Variants in NOTCH2NLC observed in about 807,000 individuals in gnomAD.
NOTCH2NLC encodes the protein notch 2 N-terminal like C.
In NOTCH2NLC, 4 loss-of-function variants were observed where a neutral mutation model predicts 17.7. The observed-to-expected ratio is 0.23, with a 90% confidence interval of 0.11 to 0.52. The LOEUF (loss-of-function observed/expected upper bound fraction) is 0.52. Ranked by LOEUF, NOTCH2NLC falls within the 20% of genes least tolerant of loss-of-function variation. NOTCH2NLC has a pLI of 0.96. For synonymous variants in NOTCH2NLC, 18 were observed against 86.0 expected (o/e 0.21, Z 4.38); for missense variants, 57 against 207.2 (o/e 0.28, Z 4.45).
chr1:149,445,679 C>T (rs2101499790), intron 2 of NOTCH2NLC, among the ~76,000 whole-genome samples: 1 of 150,748 alleles, frequency 6.6e-6, no homozygotes, highest in South Asian at 2.1e-4. Flanking sequence ...GGAAACTAGC[C>T]CAGAGGGAGT....
intron 2 of NOTCH2NLC, among the ~76,000 whole-genome samples, chr1:149,442,193 A>G (rs2101497266): frequency 6.7e-6 from 1 of 148,520 alleles, no homozygotes; most frequent in East Asian, 2.0e-4. Flanking sequence ...TATCCCTTTT[A>G]AACACAAGAT....
chr1:149,424,177 G>C (rs1332155651), intron 1 of NOTCH2NLC, among the ~76,000 whole-genome samples: 4 of 151,348 alleles, frequency 2.6e-5, no homozygotes, highest in Non-Finnish European at 5.9e-5. Flanking sequence ...TTGTTCTGTT[G>C]TTTGCAGTTT....
chr1:149,392,325 T>TTATTGTAAA, intron 1 of NOTCH2NLC, among the ~76,000 whole-genome samples: 1 of 100,946 alleles, frequency 9.9e-6, no homozygotes, highest in Non-Finnish European at 2.0e-5. Flanking sequence ...TAACAGTCAG[T>TTATTGTAAA]CGACATGTCA....
At chr1:149,445,724 C>G (rs1245889449) in intron 2 of NOTCH2NLC, among the ~76,000 whole-genome samples, 9 of 149,528 alleles carry the variant, frequency 6.0e-5, no homozygotes, top group Non-Finnish European at 1.0e-4. Context: ...GCTGCAGTGC[C>G]GACGCAACCC....
At chr1:149,423,695 CT>C (rs1192246543) in intron 1 of NOTCH2NLC, among the ~76,000 whole-genome samples, 3 of 148,810 alleles carry the variant, frequency 2.0e-5, no homozygotes, top group South Asian at 4.3e-4. Context: ...TTAAAAGAGC[CT>C]GTATAACTCC....
intron 1 of NOTCH2NLC, among the ~76,000 whole-genome samples, chr1:149,421,498 CAAA>C (rs1186003741): frequency 1.4e-4 from 5 of 36,962 alleles, no homozygotes; most frequent in Admixed American, 2.4e-4. Context: ...GACTCCATCT[CAAA>C]AAAAAAAAAA....
At position 149,420,033 on chromosome 1, in the gene NOTCH2NLC, A is replaced by T. The variant is rs1240126500; in HGVS notation, c.136-10909A>T. On this transcript the variant is annotated intron_variant, in intron 1 of 4. Transcript: ENST00000650865. ...AGGCACCCGCCACCATGCCCAGCTA[A>T]TTTTTTTTTTGTACTTTTAGTAGAG... 3.5e-4 allele frequency among the ~76,000 whole-genome samples: 49 copies of T among 140,428 alleles called. 4 individuals are homozygous for T. The East Asian group carries it at 7.5e-3, about 22-fold the overall frequency. The allele number at this position is 140,428 out of a possible 152,430, so 92.1% of individuals were successfully genotyped here.
At chr1:149,399,309 T>C (rs1259574739) in intron 1 of NOTCH2NLC, among the ~76,000 whole-genome samples, 3 of 148,938 alleles carry the variant, frequency 2.0e-5, no homozygotes, top group African/African-American at 7.5e-5. Flanking sequence ...AACGGGTACC[T>C]AGCAGGGAGA....
chr1:149,436,761 G>A (rs2084484965), intron 2 of NOTCH2NLC, among the ~76,000 whole-genome samples: 1 of 148,930 alleles, frequency 6.7e-6, no homozygotes, highest in African/African-American at 2.5e-5. Context: ...TTCAAGTACG[G>A]TGCCTATTTA....
At chr1:149,433,475 G>A (rs2084464957) in intron 2 of NOTCH2NLC, among the ~76,000 whole-genome samples, 1 of 150,598 alleles carries the variant, frequency 6.6e-6, no homozygotes, top group Non-Finnish European at 1.5e-5. Flanking sequence ...ACTTCACATA[G>A]CATTCAGGGT....
At position 149,445,596 on chromosome 1, in the gene NOTCH2NLC, T is replaced by C. The variant is rs1332606994; in HGVS notation, c.210-9722T>C. On this transcript the variant is annotated intron_variant, in intron 2 of 4. Transcript: ENST00000650865. ...AGCTAGGGCAGGCTGCCACTGCGGA[T>C]TGGGGGGCCAAGAGGCCCAGGGCAA... is the stretch of plus-strand genomic sequence containing the variant. Among the ~76,000 whole-genome samples the C allele has an allele frequency of 1.4e-4, 21 of 150,640 alleles. 1 individual carries two copies. Among genetic ancestry groups the C allele is most frequent in the Admixed American group, 4.0e-4 (6 of 15,112 alleles).
At chr1:149,449,669 T>C (rs1412633464) in intron 2 of NOTCH2NLC, among the ~76,000 whole-genome samples, 1 of 151,308 alleles carries the variant, frequency 6.6e-6, no homozygotes, top group Admixed American at 6.6e-5. Flanking sequence ...AATTTACCCT[T>C]TTAAAGTGTT....
At chr1:149,435,925 A>T (rs1263349438) in intron 2 of NOTCH2NLC, among the ~76,000 whole-genome samples, 1 of 150,092 alleles carries the variant, frequency 6.7e-6, no homozygotes, top group Non-Finnish European at 1.5e-5. Flanking sequence ...AAAACTGTAA[A>T]TGTGGGTTTC....
At chr1:149,441,034 A>G (rs1413358916) in intron 2 of NOTCH2NLC, among the ~76,000 whole-genome samples, 1 of 150,698 alleles carries the variant, frequency 6.6e-6, no homozygotes, top group Non-Finnish European at 1.5e-5. Context: ...TTATACTTCT[A>G]CCAGACAGAG....
chr1:149,417,507 A>T (rs1485323760), intron 1 of NOTCH2NLC, among the ~76,000 whole-genome samples: 4 of 151,422 alleles, frequency 2.6e-5, no homozygotes, highest in Non-Finnish European at 5.9e-5. Context: ...TGGTTCAGAC[A>T]TCTTGATTTG....
intron 1 of NOTCH2NLC, among the ~76,000 whole-genome samples, chr1:149,416,150 A>T (rs1366571256): frequency 9.5e-6 from 1 of 105,348 alleles, no homozygotes; most frequent in African/African-American, 3.7e-5. Context: ...ATTTTGGAGG[A>T]CAAAAGTCTT....
At chr1:149,460,859 CTTTCTTT>C (rs2084641778) in intron 3 of NOTCH2NLC, among the ~76,000 whole-genome samples, 442 of 1,800 alleles carry the variant, frequency 0.25, 25 homozygotes, top group East Asian at 0.17. Flanking sequence ...TTCTCCCTTT[CTTTCTTT>C]CTTTCTTTCT....
intron 1 of NOTCH2NLC, among the ~76,000 whole-genome samples, chr1:149,412,285 GA>G (rs1433334270): frequency 4.1e-5 from 6 of 146,224 alleles, no homozygotes; most frequent in African/African-American, 1.2e-4. Context: ...CACTTTGGGG[GA>G]AAAAAGGGTA....
intron 1 of NOTCH2NLC, among the ~76,000 whole-genome samples, chr1:149,419,091 CTCTT>C (rs1172109732): frequency 2.1e-5 from 3 of 144,170 alleles, no homozygotes; most frequent in East Asian, 2.1e-4. Flanking sequence ...TTCTCTCTCT[CTCTT>C]TCTTTAGCAG....
Sources: gnomAD v4.1 joint callset for allele counts (sites outside exome capture counted in the v4.1 genomes callset) on GRCh38, gnomAD v4.1.1 for gene constraint, MANE v1.5 for transcripts, NCBI Gene and HGNC (gene_info 2026-07-23, HGNC 2026-07-21) for gene names.